The following TRAPPC9 variants were observed in gnomAD, a reference collection of about 807,000 sequenced individuals.
TRAPPC9 encodes the protein trafficking protein particle complex subunit 9.
In TRAPPC9, 83 loss-of-function variants were observed where a neutral mutation model predicts 124.0. That is an observed-to-expected ratio of 0.67 (90% CI 0.56 to 0.80). TRAPPC9 has a LOEUF of 0.80. TRAPPC9 is among the 30% of genes least tolerant of loss of function. The probability of loss-of-function intolerance (pLI) is 0.00; values close to 1 mark genes in which losing one functional copy is unlikely to be tolerated. For missense variants in TRAPPC9, 1,302 were observed against 1,508.3 expected (o/e 0.86, Z 2.27); for synonymous variants, 638 against 617.5 (o/e 1.03, Z -0.49).
At chr8:140,262,517 T>G (rs1158340338) in intron 15 of TRAPPC9, 1 of 146,340 alleles carries the variant, frequency 6.8e-6, no homozygotes, top group African/African-American at 2.7e-5. Context: ...CAATTGTGTA[T>G]ACGGTGGGGG....
At chr8:139,794,863 G>C (rs1822937966) in intron 21 of TRAPPC9, among the ~76,000 whole-genome samples, 1 of 152,218 alleles carries the variant, frequency 6.6e-6, no homozygotes, top group African/African-American at 2.4e-5. Context: ...AGAAGTCATT[G>C]GACTTTTAAG....
At chr8:140,430,002 CT>C (rs2070577197) in intron 4 of TRAPPC9, among the ~76,000 whole-genome samples, 1 of 151,692 alleles carries the variant, frequency 6.6e-6, no homozygotes, top group African/African-American at 2.4e-5. Context: ...CAAAAATTAG[CT>C]GGGCGAGGTG....
At chr8:139,820,613 C>A (rs763396263) in intron 21 of TRAPPC9, among the ~76,000 whole-genome samples, 1 of 152,140 alleles carries the variant, frequency 6.6e-6, no homozygotes, top group Non-Finnish European at 1.5e-5. Flanking sequence ...ACTACAAAAG[C>A]CATAAAGAAA....
intron 20 of TRAPPC9, among the ~76,000 whole-genome samples, chr8:139,909,825 C>G (rs570514471): frequency 2.0e-5 from 3 of 152,354 alleles, no homozygotes; most frequent in African/African-American, 7.2e-5. Context: ...ACCCCCTGAG[C>G]CCGGCACTGA....
At position 140,451,164 on chromosome 8, in the gene TRAPPC9, G is replaced by A. The variant is rs755627044; in HGVS notation, c.210C>T (p.Asp70=). The change falls in exon 2 of 23, where the codon GAC becomes GAT. Residue 70 remains aspartate, a synonymous_variant. Transcript: ENST00000438773. ...HYPPENNEWG[D]FQTHRKVVGL... ...CCACGACTTTGCGGTGGGTCTGGAAGTCACCCCACTCGTTGTTCTCGGGTG... is the reference window on the plus strand; with the variant it reads ...CCACGACTTTGCGGTGGGTCTGGAAATCACCCCACTCGTTGTTCTCGGGTG... The A allele has an allele frequency of 5.6e-6, 9 of 1,613,996 alleles. No individual in the cohort carries two copies. The highest frequency in any genetic ancestry group is 1.7e-5 in the Admixed American group (1 of 59,998).
rs544390213 is a variant in TRAPPC9 at position 139,811,174 on chromosome 8, T to C, written c.3055+74705A>G. ...AGAACAAGGTTCTATAAAAAGGAAC[T>C]GAGAACAAGGAAGAGCTCTTGGAAA... On this transcript the variant is annotated intron_variant, in intron 21 of 22. Coordinates refer to ENST00000438773, the MANE Select transcript of TRAPPC9 (RefSeq NM_001160372.4). Among the ~76,000 whole-genome samples, 8 of 152,056 alleles carry C rather than the reference T, an allele frequency of 5.3e-5. No homozygotes were observed. In the South Asian group the frequency reaches 1.7e-3, roughly 32 times the overall value.
chr8:139,948,316 C>T lies in TRAPPC9; in HGVS notation c.2811-38016G>A, dbSNP rs528758825. ...ACACACTGTGACGTACAGATCCTAG[C>T]GTGTTCCCCATGACCCCTGCCCTGG... is the stretch of plus-strand genomic sequence containing the variant. On this transcript the variant is annotated intron_variant, in intron 19 of 22. Transcript: ENST00000438773. Among the ~76,000 whole-genome samples the T allele has an allele frequency of 4.0e-5, 6 of 151,726 alleles. No homozygotes were observed. In the South Asian group the frequency reaches 6.2e-4, roughly 16 times the overall value.
chr8:139,822,715 G>A lies in TRAPPC9; in HGVS notation c.3055+63164C>T, dbSNP rs754924170. The stretch of plus-strand genomic sequence containing the variant: ...TGAGTGCATGCGTCCTCTCAGACAC[G>A]CTGCCTGCCGCTGACACATGGAGTC... On this transcript the variant is annotated intron_variant, in intron 21 of 22. Transcript: ENST00000438773. Among the ~76,000 whole-genome samples, 156 of 152,158 alleles carry A rather than the reference G, an allele frequency of 1.0e-3. 3 individuals carry two copies. Among genetic ancestry groups the A allele is most frequent in the Non-Finnish European group, 1.5e-4 (10 of 68,036 alleles).
chr8:140,159,717 T>A (rs1314103030), intron 17 of TRAPPC9, among the ~76,000 whole-genome samples: 1 of 152,156 alleles, frequency 6.6e-6, no homozygotes, highest in African/African-American at 2.4e-5. Flanking sequence ...TCAATCCTAT[T>A]TCTGAAACAG....
At chr8:140,249,059 A>G (rs758345618) in intron 16 of TRAPPC9, among the ~76,000 whole-genome samples, 5 of 152,166 alleles carry the variant, frequency 3.3e-5, no homozygotes, top group African/African-American at 4.8e-5. Context: ...TTTAGCGGGT[A>G]CGTGTTCAGG....
At chr8:140,281,894 G>A (rs769229234) in intron 14 of TRAPPC9, among the ~76,000 whole-genome samples, 7 of 152,176 alleles carry the variant, frequency 4.6e-5, no homozygotes, top group African/African-American at 1.2e-4. Flanking sequence ...GCCTGTTGTC[G>A]CCTCCTGGAA....
rs923239618 is a variant in TRAPPC9, at chr8:139,945,781, G to A, written c.2811-35481C>T. ...ACTGAGTGATACAGAGTACACATTC[G>A]ACTCTAGTGAAGGATGTATCTCCCT... is the stretch of plus-strand genomic sequence containing the variant. On this transcript the variant is annotated intron_variant, in intron 19 of 22. Transcript: ENST00000438773. Among the ~76,000 whole-genome samples, 29 of 152,288 alleles carry A rather than the reference G, an allele frequency of 1.9e-4. No homozygotes were observed. The South Asian group carries it at 3.5e-3, about 18-fold the overall frequency.
intron 21 of TRAPPC9, among the ~76,000 whole-genome samples, chr8:139,879,477 C>T (rs956814254): frequency 6.6e-6 from 1 of 152,216 alleles, no homozygotes; most frequent in Non-Finnish European, 1.5e-5. Flanking sequence ...TCTGAACTCT[C>T]CACCTGTCCC....
intron 17 of TRAPPC9, among the ~76,000 whole-genome samples, chr8:140,048,859 A>G (rs1841793245): frequency 6.6e-6 from 1 of 152,132 alleles, no homozygotes; most frequent in Non-Finnish European, 1.5e-5. Flanking sequence ...CCCTACTCCC[A>G]GCTCCAACCA....
intron 9 of TRAPPC9, among the ~76,000 whole-genome samples, chr8:140,327,979 G>A (rs181976588): frequency 6.6e-6 from 1 of 152,290 alleles, no homozygotes; most frequent in Non-Finnish European, 1.5e-5. Flanking sequence ...AATTGGCCGG[G>A]CGCGGTGGCT....
intron 9 of TRAPPC9, among the ~76,000 whole-genome samples, chr8:140,333,274 T>C (rs2066943821): frequency 1.3e-5 from 2 of 152,250 alleles, no homozygotes; most frequent in Non-Finnish European, 2.9e-5. Context: ...TTCCTGTTTA[T>C]GTTTTCCAAG....
chr8:140,253,028 G>A (rs1190124262), intron 15 of TRAPPC9, 99 bp from the exon 16 acceptor site: 7 of 1,195,496 alleles, frequency 5.9e-6, no homozygotes, highest in Admixed American at 2.0e-5. Flanking sequence ...CAAAAGCCAA[G>A]GAAAAAGAAG....
intron 16 of TRAPPC9, among the ~76,000 whole-genome samples, chr8:140,231,019 T>A (rs1352714827): frequency 6.6e-6 from 1 of 152,168 alleles, no homozygotes; most frequent in Non-Finnish European, 1.5e-5. Context: ...ACTGACATCT[T>A]TACTAGACCA....
At chr8:140,316,802 T>C (rs1387317981) in intron 9 of TRAPPC9, among the ~76,000 whole-genome samples, 1 of 152,200 alleles carries the variant, frequency 6.6e-6, no homozygotes, top group East Asian at 1.9e-4. Context: ...TGAGAAAAAT[T>C]GGTACTAGTT....
Sources: allele counts gnomAD v4.1 joint callset (sites outside exome capture counted in the v4.1 genomes callset), GRCh38; gene constraint gnomAD v4.1.1; transcripts MANE v1.5; gene names NCBI Gene and HGNC (gene_info 2026-07-23, HGNC 2026-07-21).